SIAH3: variants seen among roughly 807,000 people sequenced by gnomAD.
SIAH3 encodes the protein seven in absentia homolog 3.
Under a neutral mutation model 12.6 loss-of-function variants are expected in SIAH3, and 9 were observed. The observed-to-expected ratio is 0.72, with a 90% CI of 0.43 to 1.25. The LOEUF is 1.25. Ranked by LOEUF, SIAH3 falls within the 50% of genes most tolerant of loss-of-function variation. SIAH3 has a pLI of 0.00. For synonymous variants in SIAH3, 154 were observed against 151.1 expected (o/e 1.02, Z -0.14); for missense variants, 390 against 365.4 (o/e 1.07, Z -0.55).
At chr13:45,846,397 C>A (rs1371660869) in intron 1 of SIAH3, among the ~76,000 whole-genome samples, 1 of 152,068 alleles carries the variant, frequency 6.6e-6, no homozygotes, top group African/African-American at 2.4e-5. Context: ...ACCTAGAAGA[C>A]CTAACTTCTA....
chr13:45,780,965 C>T lies in SIAH3; in HGVS notation c.*2418G>A, dbSNP rs1444433033. 1 of 152,338 alleles carries T rather than the reference C, an allele frequency of 6.6e-6. No homozygotes were observed. Among genetic ancestry groups the T allele is most frequent in the Non-Finnish European group, 1.5e-5 (1 of 68,048 alleles). 9.4% of individuals were successfully genotyped at this position (152,338 alleles called of 1,614,324 possible). ...ATTCTTGGTTGTTAGTTTGCTCCTT[C>T]TTCTCCAGTTCTTCACATATGGATA... On this transcript the variant is annotated 3_prime_UTR_variant, in exon 2 of 2. Transcript: ENST00000400405.
At position 45,778,507 on chromosome 13, in the gene SIAH3, G is replaced by A. The variant is rs1230957030; in HGVS notation, c.*4876C>T. 1 of 152,252 alleles carries A rather than the reference G, an allele frequency of 6.6e-6. No individual in the cohort carries two copies. The highest frequency in any genetic ancestry group is 1.5e-5 in the Non-Finnish European group (1 of 68,058). 9.4% of individuals were successfully genotyped at this position (152,252 alleles called of 1,614,324 possible). A position where few individuals can be genotyped will look rare whatever the true frequency, so the allele number is the denominator to read the frequency against. On this transcript the variant is annotated 3_prime_UTR_variant, in exon 2 of 2. Transcript: ENST00000400405. ...CTCTTGAAGCTGCTTAAGCCTCAGAGTCTCTTCTCCAGAAGAGTTCGTGTT... is the reference window on the plus strand; with the variant it reads ...CTCTTGAAGCTGCTTAAGCCTCAGAATCTCTTCTCCAGAAGAGTTCGTGTT...
chr13:45,846,185 G>T (rs1219377032), intron 1 of SIAH3, among the ~76,000 whole-genome samples: 1 of 140,404 alleles, frequency 7.1e-6, no homozygotes, highest in Non-Finnish European at 1.5e-5. Context: ...TGCCTCCCGG[G>T]TTCAAGCGAT....
At chr13:45,831,538 C>T (rs1950699259) in intron 1 of SIAH3, among the ~76,000 whole-genome samples, 2 of 152,186 alleles carry the variant, frequency 1.3e-5, no homozygotes, top group African/African-American at 4.8e-5. Flanking sequence ...AGGCGCTGTT[C>T]TAGACTGGGG....
At chr13:45,847,320 G>A (rs183040732) in intron 1 of SIAH3, among the ~76,000 whole-genome samples, 219 of 152,300 alleles carry the variant, frequency 1.4e-3, no homozygotes, top group African/African-American at 4.8e-3. Flanking sequence ...CTGCTGTGCT[G>A]TATGAAACAG....
rs1296142714 is a variant in SIAH3, at chr13:45,778,898, A to G, written c.*4485T>C. On this transcript the variant is annotated 3_prime_UTR_variant, in exon 2 of 2. Transcript: ENST00000400405. ...ATATACAAATACTATGCCGTTTTAT[A>G]TAAGGGACTTGAGCATCTTCAGATT... The G allele has an allele frequency of 6.6e-6, 1 of 152,232 alleles. No individual in the cohort carries two copies. Among genetic ancestry groups the G allele is most frequent in the African/African-American group, 2.4e-5 (1 of 41,460 alleles). 9.4% of individuals were successfully genotyped at this position (152,232 alleles called of 1,614,324 possible).
intron 1 of SIAH3, among the ~76,000 whole-genome samples, chr13:45,821,589 A>T (rs1013343395): frequency 6.6e-6 from 1 of 152,188 alleles, no homozygotes; most frequent in Non-Finnish European, 1.5e-5. Flanking sequence ...AAATAATTAG[A>T]CTTCAAGGTG....
intron 1 of SIAH3, among the ~76,000 whole-genome samples, chr13:45,833,397 T>C (rs1402240519): frequency 6.6e-6 from 1 of 152,086 alleles, no homozygotes; most frequent in African/African-American, 2.4e-5. Context: ...ACCCTGGGTC[T>C]TTTTTGGTAC....
At chr13:45,843,219 C>T (rs1195177829) in intron 1 of SIAH3, among the ~76,000 whole-genome samples, 4 of 151,984 alleles carry the variant, frequency 2.6e-5, no homozygotes, top group Admixed American at 2.6e-4. Flanking sequence ...TCATCCATGC[C>T]GGGCTCAGAG....
intron 1 of SIAH3, among the ~76,000 whole-genome samples, chr13:45,813,224 C>T (rs1375024536): frequency 1.3e-5 from 2 of 150,608 alleles, no homozygotes; most frequent in Admixed American, 6.6e-5. Flanking sequence ...CCAGTGGGAA[C>T]ATGGTGAGCC....
intron 1 of SIAH3, among the ~76,000 whole-genome samples, chr13:45,795,766 A>T (rs1387467738): frequency 6.6e-6 from 1 of 152,216 alleles, no homozygotes; most frequent in Non-Finnish European, 1.5e-5. Flanking sequence ...ATGTGATCAG[A>T]AAACCTGCAC....
intron 1 of SIAH3, among the ~76,000 whole-genome samples, chr13:45,798,450 G>A (rs937014831): frequency 1.3e-5 from 2 of 152,220 alleles, no homozygotes; most frequent in African/African-American, 4.8e-5. Context: ...TACTTTTCTA[G>A]TAGGGGGAGG....
intron 1 of SIAH3, among the ~76,000 whole-genome samples, chr13:45,801,119 T>G: frequency 6.6e-6 from 1 of 151,432 alleles, no homozygotes; most frequent in African/African-American, 2.4e-5. Flanking sequence ...GCTGTAGACG[T>G]TGCTATTTTG....
At chr13:45,827,456 C>T (rs1360834271) in intron 1 of SIAH3, among the ~76,000 whole-genome samples, 2 of 152,168 alleles carry the variant, frequency 1.3e-5, no homozygotes, top group East Asian at 3.8e-4. Flanking sequence ...GTTATTTGAC[C>T]ATTCTGCTAT....
chr13:45,822,142 G>A (rs1950658096), intron 1 of SIAH3, among the ~76,000 whole-genome samples: 1 of 152,136 alleles, frequency 6.6e-6, no homozygotes, highest in South Asian at 2.1e-4. Flanking sequence ...CATCATCCCT[G>A]AGACAGCTGG....
chr13:45,807,650 G>A (rs1950602603), intron 1 of SIAH3, among the ~76,000 whole-genome samples: 1 of 152,174 alleles, frequency 6.6e-6, no homozygotes, highest in African/African-American at 2.4e-5. Context: ...AAGACTCAGT[G>A]TAAAAAAGTC....
intron 1 of SIAH3, among the ~76,000 whole-genome samples, chr13:45,824,808 A>G (rs1950667944): frequency 1.3e-5 from 2 of 151,078 alleles, no homozygotes; most frequent in African/African-American, 4.9e-5. Context: ...TTCCTCATTT[A>G]TTAAAAAACA....
At chr13:45,851,474 T>A (rs775343386) in intron 1 of SIAH3, 21 bp downstream of exon 1, 17 of 1,612,804 alleles carry the variant, frequency 1.1e-5, no homozygotes, top group Admixed American at 1.7e-5. Flanking sequence ...CCGGTGAAGG[T>A]AAAATGACAC....
At chr13:45,824,293 G>T (rs868435717) in intron 1 of SIAH3, among the ~76,000 whole-genome samples, 20 of 152,330 alleles carry the variant, frequency 1.3e-4, no homozygotes, top group Middle Eastern at 3.4e-3. Context: ...TTCTCTAAGA[G>T]TGTCAGTAAT....
Sources: allele counts gnomAD v4.1 joint callset (sites outside exome capture counted in the v4.1 genomes callset), GRCh38; gene constraint gnomAD v4.1.1; transcripts MANE v1.5; gene names NCBI Gene and HGNC (gene_info 2026-07-23, HGNC 2026-07-21).